Variants in CALN1 observed in about 807,000 individuals in gnomAD.
CALN1 encodes calneuron 1.
A neutral mutation model predicts 30.6 loss-of-function variants in CALN1; 17 were observed. The observed-to-expected ratio is 0.56, with a 90% CI of 0.38 to 0.83. The LOEUF is 0.83. Ranked by LOEUF, CALN1 falls within the 40% of genes least tolerant of loss-of-function variation. The probability of loss-of-function intolerance (pLI) is 0.00; values close to 1 mark genes in which losing one functional copy is unlikely to be tolerated. For missense variants in CALN1, 291 were observed against 354.9 expected, an observed-to-expected ratio of 0.82 and a Z score of 1.45; for synonymous variants, 156 against 131.4, an observed-to-expected ratio of 1.19 and a Z score of -1.28.
chr7:71,786,693 C>A lies in CALN1; in HGVS notation c.*1082G>T, dbSNP rs1338401972. On this transcript the variant is annotated 3_prime_UTR_variant, in exon 7 of 7. Coordinates refer to ENST00000395275, the MANE Select transcript of CALN1 (RefSeq NM_031468.4). ...TCTCTTTTTAGCTGGGGAAGACTAA[C>A]AAAGCAAACTCCAAGGTAAGGGAAA... is the stretch of plus-strand genomic sequence containing the variant. 1.3e-5 allele frequency: 2 copies of A among 151,348 alleles called. No homozygotes were observed. The highest frequency in any genetic ancestry group is 2.9e-5 in the Non-Finnish European group (2 of 67,892). 9.4% of individuals were successfully genotyped at this position (151,348 alleles called of 1,614,324 possible). A position where few individuals can be genotyped will look rare whatever the true frequency, so the allele number is the denominator to read the frequency against.
At chr7:71,886,364 A>G (rs1001890049) in intron 5 of CALN1, among the ~76,000 whole-genome samples, 20 of 152,190 alleles carry the variant, frequency 1.3e-4, no homozygotes, top group Non-Finnish European at 2.5e-4. Flanking sequence ...TCAGTGTCCA[A>G]TGCTTCAGCC....
At chr7:71,965,390 G>A (rs1797481577) in intron 5 of CALN1, among the ~76,000 whole-genome samples, 1 of 152,102 alleles carries the variant, frequency 6.6e-6, no homozygotes, top group African/African-American at 2.4e-5. Flanking sequence ...TTTTGGAAAA[G>A]CACAATCTTT....
chr7:71,953,370 T>A (rs754764630), intron 5 of CALN1, among the ~76,000 whole-genome samples: 3 of 152,216 alleles, frequency 2.0e-5, no homozygotes, highest in Non-Finnish European at 4.4e-5. Context: ...TTTAAGTAGA[T>A]GCGTATCAAC....
intron 3 of CALN1, among the ~76,000 whole-genome samples, chr7:72,125,738 C>CT (rs1438980010): frequency 6.6e-6 from 1 of 150,654 alleles, no homozygotes; most frequent in South Asian, 2.1e-4. Flanking sequence ...AATATGTAGT[C>CT]TTTTACCCCT....
chr7:72,161,003 CAG>C (rs2129544823), intron 3 of CALN1, among the ~76,000 whole-genome samples: 1 of 152,290 alleles, frequency 6.6e-6, no homozygotes, highest in African/African-American at 2.4e-5. Flanking sequence ...CCAAGTTAAA[CAG>C]AAGCTGGCAG....
At position 72,278,011 on chromosome 7, in the gene CALN1, G is replaced by GGA. The variant is rs376738676; in HGVS notation, c.244+674_244+675insTC. Reference sequence around the variant, plus strand: ...AAATCAACCTAATCCTCTATTCCGGGGGGGGGGGACTTGTTTTTCCTATTT... The same window carrying GGA: ...AAATCAACCTAATCCTCTATTCCGGGGAGGGGGGGGACTTGTTTTTCCTATTT... On this transcript the variant is annotated intron_variant, in intron 3 of 6. Coordinates refer to ENST00000395275, the MANE Select transcript of CALN1 (RefSeq NM_031468.4). Among the ~76,000 whole-genome samples the GGA allele has an allele frequency of 1.7e-4, 19 of 113,934 alleles. 2 individuals are homozygous for GGA. The highest frequency in any genetic ancestry group is 6.4e-4 in the African/African-American group (18 of 28,028). The allele number at this position is 113,934 out of a possible 152,430, so 74.7% of individuals were successfully genotyped here.
At chr7:71,873,168 T>C (rs1792043946) in intron 5 of CALN1, among the ~76,000 whole-genome samples, 1 of 151,850 alleles carries the variant, frequency 6.6e-6, no homozygotes, top group South Asian at 2.1e-4. Flanking sequence ...CACGCCTGGC[T>C]AATTTTTTTA....
In CALN1 at chr7:72,203,186, G is replaced by A. The variant is rs552727604; in HGVS notation, c.244+75500C>T. Among the ~76,000 whole-genome samples the A allele has an allele frequency of 6.4e-4, 97 of 152,118 alleles. 1 individual carries two copies. The highest frequency in any genetic ancestry group is 1.3e-3 in the Non-Finnish European group (86 of 68,008). On this transcript the variant is annotated intron_variant, in intron 3 of 6. Coordinates refer to ENST00000395275, the MANE Select transcript of CALN1 (RefSeq NM_031468.4). The stretch of plus-strand genomic sequence containing the variant: ...GAACACCACACACCAGGGCCTGTCG[G>A]GGGGTGAGGGCAAGGGGAGGGAGAG...
At chr7:71,957,874 G>A (rs1797038802) in intron 5 of CALN1, among the ~76,000 whole-genome samples, 1 of 151,846 alleles carries the variant, frequency 6.6e-6, no homozygotes, top group Non-Finnish European at 1.5e-5. Context: ...AGACCAACCT[G>A]GCCAACATGA....
chr7:72,379,460 T>C (rs1245588025), intron 2 of CALN1, among the ~76,000 whole-genome samples: 2 of 152,232 alleles, frequency 1.3e-5, no homozygotes, highest in Non-Finnish European at 2.9e-5. Flanking sequence ...TCTCAATTAA[T>C]ACAACAGATA....
chr7:72,138,174 C>A (rs927834795), intron 3 of CALN1, among the ~76,000 whole-genome samples: 2 of 151,946 alleles, frequency 1.3e-5, no homozygotes, highest in African/African-American at 2.4e-5. Flanking sequence ...TATGGCTTAA[C>A]CTGTCAAAAC....
chr7:72,216,261 T>C (rs575459198), intron 3 of CALN1, among the ~76,000 whole-genome samples: 1 of 151,754 alleles, frequency 6.6e-6, no homozygotes, highest in African/African-American at 2.4e-5. Context: ...CAAAAAATAA[T>C]AATAATAAAT....
At chr7:72,113,201 A>G (rs938357123) in intron 3 of CALN1, among the ~76,000 whole-genome samples, 4 of 152,166 alleles carry the variant, frequency 2.6e-5, no homozygotes, top group African/African-American at 9.7e-5. Flanking sequence ...TGAACAGATC[A>G]ATACTCTCTC....
intron 5 of CALN1, among the ~76,000 whole-genome samples, chr7:71,986,286 G>C (rs1798670292): frequency 6.6e-6 from 1 of 152,146 alleles, no homozygotes; most frequent in Non-Finnish European, 1.5e-5. Flanking sequence ...GATCTCAGGT[G>C]ATCCACCTGA....
intron 5 of CALN1, among the ~76,000 whole-genome samples, chr7:71,857,921 T>C (rs1791049728): frequency 6.6e-6 from 1 of 152,164 alleles, no homozygotes; most frequent in Admixed American, 6.5e-5. Context: ...ATATTTCTAT[T>C]ATCAAGGAAG....
At chr7:72,325,461 C>T (rs1585493495) in intron 2 of CALN1, among the ~76,000 whole-genome samples, 1 of 151,964 alleles carries the variant, frequency 6.6e-6, no homozygotes, top group Non-Finnish European at 1.5e-5. Flanking sequence ...CTGAGCCGGG[C>T]GTGGTGGTGA....
At chr7:71,918,936 T>C (rs1181850286) in intron 5 of CALN1, among the ~76,000 whole-genome samples, 1 of 152,242 alleles carries the variant, frequency 6.6e-6, no homozygotes, top group South Asian at 2.1e-4. Flanking sequence ...GTTTGCCATA[T>C]TTTATTATTT....
intron 5 of CALN1, among the ~76,000 whole-genome samples, chr7:71,878,558 T>C (rs1429821331): frequency 6.6e-6 from 1 of 152,080 alleles, no homozygotes; most frequent in Non-Finnish European, 1.5e-5. Context: ...GCTACAGGTA[T>C]GACAGAATCC....
At chr7:71,911,932 G>T (rs1180264985) in intron 5 of CALN1, among the ~76,000 whole-genome samples, 1 of 152,056 alleles carries the variant, frequency 6.6e-6, no homozygotes, top group Non-Finnish European at 1.5e-5. Context: ...CACATGAAGG[G>T]GCTTCACCAA....
Sources: allele counts gnomAD v4.1 joint callset (sites outside exome capture counted in the v4.1 genomes callset), GRCh38; gene constraint gnomAD v4.1.1; transcripts MANE v1.5; gene names NCBI Gene and HGNC (gene_info 2026-07-23, HGNC 2026-07-21).